Variants in KAZN observed in about 807,000 individuals in gnomAD.
KAZN encodes the protein kazrin.
Under a neutral mutation model 87.4 loss-of-function variants are expected in KAZN, and 40 were observed. The ratio of observed to expected loss-of-function variants is 0.46; its 90% CI spans 0.36 to 0.60. KAZN has a LOEUF of 0.60. KAZN is among the 20% of genes least tolerant of loss of function. KAZN has a pLI of 0.00. For missense variants in KAZN, 898 were observed against 1,073.9 expected, an observed-to-expected ratio of 0.84 and a Z score of 2.29; for synonymous variants, 466 against 458.3, an observed-to-expected ratio of 1.02 and a Z score of -0.22.
At chr1:14,578,868 A>G (rs1297345111) in intron 2 of KAZN, among the ~76,000 whole-genome samples, 1 of 152,186 alleles carries the variant, frequency 6.6e-6, no homozygotes, top group Non-Finnish European at 1.5e-5. Context: ...GAACTTTACA[A>G]TAACCTTTGG....
chr1:14,763,456 A>T (rs35437590), intron 1 of KAZN, among the ~76,000 whole-genome samples: 5 of 151,978 alleles, frequency 3.3e-5, no homozygotes, highest in Non-Finnish European at 7.4e-5. Flanking sequence ...ACCCCCAATA[A>T]CATTTGTACC....
At chr1:14,434,440 G>A (rs1354318531) in intron 2 of KAZN, among the ~76,000 whole-genome samples, 2 of 152,202 alleles carry the variant, frequency 1.3e-5, no homozygotes, top group African/African-American at 4.8e-5. Context: ...ATGAGGAAGG[G>A]GAAATTTACA....
intron 1 of KAZN, among the ~76,000 whole-genome samples, chr1:14,908,159 A>G (rs1295550550): frequency 6.6e-6 from 1 of 152,242 alleles, no homozygotes; most frequent in Non-Finnish European, 1.5e-5. Context: ...GCACTTTGGG[A>G]GGCTGAGGCA....
intron 1 of KAZN, among the ~76,000 whole-genome samples, chr1:14,910,086 A>C (rs1274141707): frequency 6.6e-6 from 1 of 152,114 alleles, no homozygotes; most frequent in East Asian, 1.9e-4. Context: ...TGAATGAATG[A>C]ATGAATGCCT....
rs117263764 is a variant in KAZN at position 14,098,180 on chromosome 1, G to C, written c.92-82255G>C. 6.3e-3 allele frequency among the ~76,000 whole-genome samples: 958 copies of C among 152,230 alleles called. 10 individuals are homozygous for C. In the South Asian group the frequency reaches 0.066, roughly 10 times the overall value. On this transcript the variant is annotated intron_variant, in intron 1 of 16. Coordinates refer to the KAZN transcript ENST00000636203. ...AGTCATCTGTGAAGCTCTTTCATCA[G>C]CTTCCTCACCTTCTGACTCAAGTGT...
At chr1:14,343,181 C>T (rs958727073) in intron 2 of KAZN, among the ~76,000 whole-genome samples, 10 of 152,020 alleles carry the variant, frequency 6.6e-5, no homozygotes, top group East Asian at 3.9e-4. Context: ...AAAAAACTTT[C>T]GTATGTAGCT....
At chr1:15,095,484 AC>A (rs913021462) in intron 10 of KAZN, among the ~76,000 whole-genome samples, 2 of 129,156 alleles carry the variant, frequency 1.5e-5, no homozygotes, top group Non-Finnish European at 3.3e-5. Context: ...CAGGCCACCC[AC>A]CCCCACCGCT....
intron 1 of KAZN, among the ~76,000 whole-genome samples, chr1:14,877,364 T>C (rs1652885312): frequency 6.6e-6 from 1 of 152,198 alleles, no homozygotes; most frequent in African/African-American, 2.4e-5. Context: ...TGGTTCACCT[T>C]TGGTTACATG....
At chr1:14,355,076 G>T (rs1215464636) in intron 2 of KAZN, among the ~76,000 whole-genome samples, 1 of 152,088 alleles carries the variant, frequency 6.6e-6, no homozygotes, top group East Asian at 1.9e-4. Flanking sequence ...ACATGCTGAT[G>T]AAAAAGCCCG....
intron 1 of KAZN, among the ~76,000 whole-genome samples, chr1:13,938,412 G>A (rs1640818019): frequency 6.6e-6 from 1 of 152,158 alleles, no homozygotes; most frequent in African/African-American, 2.4e-5. Context: ...ATCAAATCTA[G>A]GAGTCTTTTG....
At chr1:14,281,278 T>C (rs74057144) in intron 2 of KAZN, among the ~76,000 whole-genome samples, 6,457 of 152,240 alleles carry the variant, frequency 0.042, 475 homozygotes, top group African/African-American at 0.15. Context: ...CTTCACCAAA[T>C]TGGAGGGGCA....
intron 1 of KAZN, among the ~76,000 whole-genome samples, chr1:14,674,032 G>T (rs1456991344): frequency 6.6e-6 from 1 of 152,158 alleles, no homozygotes; most frequent in East Asian, 1.9e-4. Flanking sequence ...AGAACCCGTA[G>T]ATCTAATCCA....
chr1:13,944,089 T>A (rs1318940768), intron 1 of KAZN, among the ~76,000 whole-genome samples: 1 of 152,258 alleles, frequency 6.6e-6, no homozygotes, highest in Non-Finnish European at 1.5e-5. Context: ...CATAGCTGCC[T>A]TGTTTATAAT....
intron 1 of KAZN, among the ~76,000 whole-genome samples, chr1:14,049,722 G>A (rs945505807): frequency 6.6e-6 from 1 of 152,068 alleles, no homozygotes; most frequent in Non-Finnish European, 1.5e-5. Flanking sequence ...TAGCTCAACT[G>A]ATGTTGACGG....
chr1:14,843,990 TA>T (rs1167600180), intron 1 of KAZN, among the ~76,000 whole-genome samples: 2 of 152,230 alleles, frequency 1.3e-5, no homozygotes, highest in Non-Finnish European at 2.9e-5. Context: ...TTAATAAGTT[TA>T]AAAAGTATAT....
intron 2 of KAZN, among the ~76,000 whole-genome samples, chr1:14,577,818 G>A (rs553285132): frequency 1.4e-4 from 21 of 152,284 alleles, no homozygotes; most frequent in African/African-American, 5.1e-4. Flanking sequence ...AACCCTAGGA[G>A]AGGCAAGGCC....
rs375681921 is a variant in KAZN, at chr1:15,012,006, G to A, written c.419-22743G>A. Among the ~76,000 whole-genome samples, 17 of 152,276 alleles carry A rather than the reference G, an allele frequency of 1.1e-4. No homozygotes were observed. In the East Asian group the frequency reaches 3.1e-3, roughly 28 times the overall value. On this transcript the variant is annotated intron_variant, in intron 2 of 14. Transcript: ENST00000376030. ...CTTTCTGTACACCCCCCAGCCTCAG[G>A]CTGCATCTGTTCTTAGCTGCTGCTA...
intron 2 of KAZN, among the ~76,000 whole-genome samples, chr1:14,979,979 C>T (rs1358518748): frequency 6.6e-6 from 1 of 152,204 alleles, no homozygotes; most frequent in African/African-American, 2.4e-5. Context: ...ACCTCCACCT[C>T]CTGGATTCAA....
At position 14,348,369 on chromosome 1, in the gene KAZN, C is replaced by G. The variant is rs1368547792; in HGVS notation, c.249+167777C>G. On this transcript the variant is annotated intron_variant, in intron 2 of 16. Coordinates refer to the KAZN transcript ENST00000636203. Reference sequence around the variant, plus strand: ...GCCTAACCCATATACTACTTCTTAACAAGAAAAGAAAAATTAGAAACTAAA... The same window carrying G: ...GCCTAACCCATATACTACTTCTTAAGAAGAAAAGAAAAATTAGAAACTAAA... Among the ~76,000 whole-genome samples the G allele has an allele frequency of 2.0e-5, 3 of 152,042 alleles. No homozygotes were observed. The South Asian group carries it at 6.2e-4, about 32-fold the overall frequency.
Sources: gnomAD v4.1 joint callset for allele counts (sites outside exome capture counted in the v4.1 genomes callset) on GRCh38, gnomAD v4.1.1 for gene constraint, MANE v1.5 for transcripts, NCBI Gene and HGNC (gene_info 2026-07-23, HGNC 2026-07-21) for gene names.